Variants in RBFOX1 observed in about 807,000 individuals in gnomAD.
RBFOX1 encodes the protein RNA binding fox-1 homolog 1, also known as RNA binding protein fox-1 homolog 1.
Under a neutral mutation model 57.7 loss-of-function variants are expected in RBFOX1, and 8 were observed. The observed-to-expected ratio is 0.14, with a 90% CI of 0.08 to 0.25. RBFOX1 has a LOEUF of 0.25. Among genes scored for constraint, RBFOX1 ranks in the 10% least tolerant of loss-of-function variants. The pLI, the probability that RBFOX1 is intolerant of heterozygous loss-of-function variation, is 1.00. For synonymous variants in RBFOX1, 326 were observed against 222.4 expected (o/e 1.47, Z -4.15); for missense variants, 611 against 548.5 (o/e 1.11, Z -1.14).
intron 4 of RBFOX1, among the ~76,000 whole-genome samples, chr16:7,160,379 C>T (rs1207819931): frequency 6.6e-6 from 1 of 152,058 alleles, no homozygotes; most frequent in Non-Finnish European, 1.5e-5. Flanking sequence ...TTTGTTTCTT[C>T]TTCTCTTCTG....
intron 3 of RBFOX1, among the ~76,000 whole-genome samples, chr16:7,017,148 T>C (rs2153665182): frequency 6.6e-6 from 1 of 152,230 alleles, no homozygotes. Flanking sequence ...AAACAGCTGT[T>C]AAGGTGCAAA....
At chr16:6,531,813 A>G (rs772904301) in intron 2 of RBFOX1, among the ~76,000 whole-genome samples, 11 of 152,176 alleles carry the variant, frequency 7.2e-5, no homozygotes, top group Non-Finnish European at 1.3e-4. Flanking sequence ...AAGGAGTGAA[A>G]TTAGACACTG....
At chr16:7,425,771 G>C (rs546615426) in intron 4 of RBFOX1, among the ~76,000 whole-genome samples, 3 of 152,274 alleles carry the variant, frequency 2.0e-5, no homozygotes, top group Non-Finnish European at 4.4e-5. Flanking sequence ...CCTTGAACTG[G>C]GGAGAGAAAG....
intron 3 of RBFOX1, among the ~76,000 whole-genome samples, chr16:5,634,943 C>T (rs1026648022): frequency 1.3e-5 from 2 of 152,162 alleles, no homozygotes; most frequent in African/African-American, 4.8e-5. Flanking sequence ...GATCATGCAC[C>T]TTCCCCTATA....
intron 2 of RBFOX1, among the ~76,000 whole-genome samples, chr16:6,386,091 G>A (rs750117177): frequency 3.3e-5 from 5 of 152,078 alleles, no homozygotes; most frequent in African/African-American, 4.8e-5. Flanking sequence ...GCCCGCCACC[G>A]CGCCCGGCTA....
intron 3 of RBFOX1, among the ~76,000 whole-genome samples, chr16:5,703,885 A>G (rs975107583): frequency 2.0e-5 from 3 of 152,204 alleles, no homozygotes; most frequent in Non-Finnish European, 4.4e-5. Context: ...ATGGCTTACA[A>G]AGGTGCTTAG....
intron 3 of RBFOX1, among the ~76,000 whole-genome samples, chr16:6,946,780 A>T (rs1286538420): frequency 6.6e-6 from 1 of 151,960 alleles, no homozygotes; most frequent in East Asian, 1.9e-4. Flanking sequence ...TTATTTTTAA[A>T]ATTTTTTGCA....
chr16:5,700,084 G>T (rs1249707620), intron 3 of RBFOX1, among the ~76,000 whole-genome samples: 1 of 152,124 alleles, frequency 6.6e-6, no homozygotes, highest in Non-Finnish European at 1.5e-5. Flanking sequence ...TGCCCGCCTT[G>T]GCCTCCCAAA....
At chr16:7,367,589 T>A (rs1352440971) in intron 4 of RBFOX1, among the ~76,000 whole-genome samples, 2 of 152,206 alleles carry the variant, frequency 1.3e-5, no homozygotes, top group East Asian at 3.9e-4. Flanking sequence ...CAGCTCACAA[T>A]AGTCTCTAAC....
chr16:5,856,092 C>G (rs1597505022), intron 3 of RBFOX1, among the ~76,000 whole-genome samples: 1 of 128,404 alleles, frequency 7.8e-6, no homozygotes, highest in Non-Finnish European at 1.6e-5. Context: ...GATTTTGTAT[C>G]CTGCAAATTT....
At chr16:5,687,839 T>G (rs2050551925) in intron 3 of RBFOX1, among the ~76,000 whole-genome samples, 1 of 152,216 alleles carries the variant, frequency 6.6e-6, no homozygotes, top group South Asian at 2.1e-4. Context: ...ACGTTTTATA[T>G]TTTAAAAAGT....
chr16:6,778,922 C>G (rs2079857813), intron 3 of RBFOX1, among the ~76,000 whole-genome samples: 1 of 151,648 alleles, frequency 6.6e-6, no homozygotes, highest in African/African-American at 2.4e-5. Flanking sequence ...TTTATGGGGA[C>G]ATTTTTATAA....
intron 3 of RBFOX1, among the ~76,000 whole-genome samples, chr16:7,003,286 C>T (rs565708921): frequency 6.6e-6 from 1 of 151,914 alleles, no homozygotes; most frequent in Admixed American, 6.6e-5. Flanking sequence ...TGGTGAAACC[C>T]CCGTCTCTAC....
At chr16:5,709,988 A>T in intron 3 of RBFOX1, among the ~76,000 whole-genome samples, 1 of 149,690 alleles carries the variant, frequency 6.7e-6, no homozygotes, top group East Asian at 2.0e-4. Flanking sequence ...TTGGGTCTCT[A>T]ACTCAGGCGC....
At chr16:6,648,858 T>A (rs1010914751) in intron 2 of RBFOX1, among the ~76,000 whole-genome samples, 1 of 152,208 alleles carries the variant, frequency 6.6e-6, no homozygotes, top group African/African-American at 2.4e-5. Context: ...AAGTTATATA[T>A]ATTTATCATG....
chr16:7,519,672 T>G (rs538849717), intron 5 of RBFOX1: 1 of 985,216 alleles, frequency 1.0e-6, no homozygotes, highest in Non-Finnish European at 1.2e-6. Flanking sequence ...CTTTAGAAGC[T>G]TGGGAACCCC....
chr16:7,062,267 G>A (rs1354181766), intron 4 of RBFOX1, among the ~76,000 whole-genome samples: 4 of 136,406 alleles, frequency 2.9e-5, no homozygotes, highest in Admixed American at 8.1e-5. Context: ...GCAGTGAGCC[G>A]AGATCATGCC....
chr16:7,241,224 C>A (rs1430623104), intron 4 of RBFOX1, among the ~76,000 whole-genome samples: 1 of 152,130 alleles, frequency 6.6e-6, no homozygotes, highest in Non-Finnish European at 1.5e-5. Flanking sequence ...ATAAATCACA[C>A]GGAGTTTTTA....
intron 2 of RBFOX1, among the ~76,000 whole-genome samples, chr16:5,595,139 C>G (rs1310539902): frequency 6.6e-6 from 1 of 152,018 alleles, no homozygotes; most frequent in Non-Finnish European, 1.5e-5. Flanking sequence ...GAGCAAGACT[C>G]CATCTCAAAA....
Sources: allele counts gnomAD v4.1 joint callset (sites outside exome capture counted in the v4.1 genomes callset), GRCh38; gene constraint gnomAD v4.1.1; transcripts MANE v1.5; gene names NCBI Gene and HGNC (gene_info 2026-07-23, HGNC 2026-07-21).